The following TTLL5 variants were observed in gnomAD, a reference collection of about 807,000 sequenced individuals.
TTLL5 encodes the protein tubulin tyrosine ligase like 5, also known as tubulin polyglutamylase TTLL5.
A neutral mutation model predicts 168.4 loss-of-function variants in TTLL5; 132 were observed. That is an observed-to-expected ratio of 0.78 (90% CI 0.68 to 0.91). The LOEUF (loss-of-function observed/expected upper bound fraction) is 0.91. Ranked by LOEUF, TTLL5 falls within the 40% of genes least tolerant of loss-of-function variation. TTLL5 has a pLI of 0.00. For missense variants in TTLL5, 1,545 were observed against 1,581.5 expected, an observed-to-expected ratio of 0.98 and a Z score of 0.39; for synonymous variants, 546 against 558.6, an observed-to-expected ratio of 0.98 and a Z score of 0.32.
At chr14:75,693,885 G>C (rs181010024) in intron 6 of TTLL5, among the ~76,000 whole-genome samples, 9 of 152,288 alleles carry the variant, frequency 5.9e-5, no homozygotes, top group African/African-American at 1.9e-4. Flanking sequence ...GTAGAATTAC[G>C]ATTTTAGAAT....
intron 31 of TTLL5, among the ~76,000 whole-genome samples, chr14:75,903,903 A>T (rs1317283062): frequency 2.7e-5 from 4 of 150,428 alleles, no homozygotes; most frequent in South Asian, 4.2e-4. Flanking sequence ...TCTAATTTAA[A>T]AAAAAAAAAA....
At chr14:75,845,111 T>G (rs1254900963) in intron 28 of TTLL5, among the ~76,000 whole-genome samples, 1 of 152,210 alleles carries the variant, frequency 6.6e-6, no homozygotes, top group Non-Finnish European at 1.5e-5. Context: ...TTCCTTGATT[T>G]TTCTCCATAG....
intron 18 of TTLL5, among the ~76,000 whole-genome samples, chr14:75,758,038 A>T (rs191997390): frequency 6.6e-6 from 1 of 152,362 alleles, no homozygotes; most frequent in Admixed American, 6.5e-5. Flanking sequence ...TTTACAAGCT[A>T]AGTTTGAGAT....
At chr14:75,679,904 T>C (rs1381406240) in intron 3 of TTLL5, among the ~76,000 whole-genome samples, 1 of 152,204 alleles carries the variant, frequency 6.6e-6, no homozygotes, top group African/African-American at 2.4e-5. Flanking sequence ...ATGTTAATCC[T>C]CCTGTGTCTG....
intron 12 of TTLL5, among the ~76,000 whole-genome samples, chr14:75,726,704 TA>T (rs895656877): frequency 6.6e-6 from 1 of 152,156 alleles, no homozygotes; most frequent in Non-Finnish European, 1.5e-5. Context: ...TGGTAAGAAG[TA>T]TGACTAAATA....
rs533568928 is a variant in TTLL5, at chr14:75,784,719, C to CA, written c.2986+1189_2986+1190insA. 2.0e-3 allele frequency among the ~76,000 whole-genome samples: 312 copies of CA among 152,292 alleles called. 2 individuals carry two copies. Among genetic ancestry groups the CA allele is most frequent in the African/African-American group, 7.3e-3 (302 of 41,560 alleles). On this transcript the variant is annotated intron_variant, in intron 26 of 31. Transcript: ENST00000298832. ...TTACTAACAGCAATGTTTGAGGGTT[C>CA]CAGTTTCTCCCTGTCCTTGCCAAAA...
At chr14:75,809,670 A>G (rs1893877198) in intron 27 of TTLL5, among the ~76,000 whole-genome samples, 2 of 152,160 alleles carry the variant, frequency 1.3e-5, no homozygotes, top group African/African-American at 2.4e-5. Flanking sequence ...GAACTTATTC[A>G]TTTTATCTAA....
At chr14:75,727,132 G>A (rs1321307220) in intron 12 of TTLL5, among the ~76,000 whole-genome samples, 7 of 152,196 alleles carry the variant, frequency 4.6e-5, no homozygotes, top group African/African-American at 9.6e-5. Context: ...AAGGTGGTAA[G>A]AGGTGTGCAG....
intron 28 of TTLL5, among the ~76,000 whole-genome samples, chr14:75,859,212 A>G (rs1406281462): frequency 6.6e-6 from 1 of 152,234 alleles, no homozygotes; most frequent in Non-Finnish European, 1.5e-5. Flanking sequence ...CCCTAAAACC[A>G]GTATCCATTT....
chr14:75,897,997 TAA>T (rs2140075291), intron 30 of TTLL5, among the ~76,000 whole-genome samples: 1 of 152,334 alleles, frequency 6.6e-6, no homozygotes, highest in African/African-American at 2.4e-5. Flanking sequence ...TTGTGTAGTG[TAA>T]AGTTAATGGC....
At chr14:75,838,230 T>G (rs1895981288) in intron 28 of TTLL5, 1 of 152,074 alleles carries the variant, frequency 6.6e-6, no homozygotes, top group African/African-American at 2.4e-5. Flanking sequence ...ACACAATCTT[T>G]CCAGAAGTAA....
intron 31 of TTLL5, among the ~76,000 whole-genome samples, chr14:75,929,825 T>G (rs1488735312): frequency 2.6e-5 from 4 of 152,206 alleles, no homozygotes; most frequent in Non-Finnish European, 5.9e-5. Context: ...TAATGCTGAT[T>G]AGTATCTCGT....
chr14:75,726,850 T>C (rs1305947101), intron 12 of TTLL5, among the ~76,000 whole-genome samples: 1 of 152,180 alleles, frequency 6.6e-6, no homozygotes, highest in East Asian at 1.9e-4. Flanking sequence ...AGGGGAGCGA[T>C]AGGATTATTA....
Position 75,707,719 on chromosome 14 carries a change from T to C in TTLL5, c.740+12T>C, listed in dbSNP as rs923337945. ...GAAGGATTGGCTAGGTAAGAAGCTGTTTGGGGGTGAAGGGGTTGGGTGGGT... is the reference window on the plus strand; with the variant it reads ...GAAGGATTGGCTAGGTAAGAAGCTGCTTGGGGGTGAAGGGGTTGGGTGGGT... On this transcript the variant is annotated intron_variant, in intron 9 of 31. Transcript: ENST00000298832. 4.2e-5 allele frequency: 68 copies of C among 1,611,952 alleles called. No individual in the cohort carries two copies. Among genetic ancestry groups the C allele is most frequent in the Non-Finnish European group, 5.8e-5 (68 of 1,178,590 alleles).
At chr14:75,735,346 A>T in intron 15 of TTLL5, 57 bp downstream of exon 15, 3 of 1,558,106 alleles carry the variant, frequency 1.9e-6, no homozygotes, top group South Asian at 2.2e-5. Flanking sequence ...GTGGCGGCTG[A>T]TGTAACTGTG....
At chr14:75,862,205 C>A (rs2030073365) in intron 28 of TTLL5, among the ~76,000 whole-genome samples, 1 of 152,170 alleles carries the variant, frequency 6.6e-6, no homozygotes, top group Non-Finnish European at 1.5e-5. Flanking sequence ...TCTCTTTAAG[C>A]CTGAGTAATA....
chr14:75,680,226 C>G (rs1483693882), intron 3 of TTLL5, among the ~76,000 whole-genome samples: 1 of 152,148 alleles, frequency 6.6e-6, no homozygotes, highest in African/African-American at 2.4e-5. Flanking sequence ...ACTTTCCGCT[C>G]CCATAGTGGT....
chr14:75,795,787 G>A (rs761707474), intron 27 of TTLL5, among the ~76,000 whole-genome samples: 1 of 151,886 alleles, frequency 6.6e-6, no homozygotes, highest in Non-Finnish European at 1.5e-5. Flanking sequence ...AGTAGTCCAT[G>A]GTGTATATAT....
chr14:75,938,608 A>G (rs906536019), intron 31 of TTLL5, among the ~76,000 whole-genome samples: 2 of 152,244 alleles, frequency 1.3e-5, no homozygotes, highest in Non-Finnish European at 2.9e-5. Flanking sequence ...CCCTTGTAGC[A>G]ATCCAGTGAG....
Sources: gnomAD v4.1 joint callset for allele counts (sites outside exome capture counted in the v4.1 genomes callset) on GRCh38, gnomAD v4.1.1 for gene constraint, MANE v1.5 for transcripts, NCBI Gene and HGNC (gene_info 2026-07-23, HGNC 2026-07-21) for gene names.